The following ACYP2 variants were observed in gnomAD, a reference collection of about 807,000 sequenced individuals.
ACYP2 encodes acylphosphatase 2.
ACYP2 carries 12 observed loss-of-function variants against 11.2 expected under a neutral mutation model. The ratio of observed to expected loss-of-function variants is 1.08; its 90% CI spans 0.69 to 1.74. The LOEUF (loss-of-function observed/expected upper bound fraction) is 1.74, where lower values mean the gene tolerates loss of function less well. ACYP2 is among the 40% of genes most tolerant of loss of function. The pLI, the probability that ACYP2 is intolerant of heterozygous loss-of-function variation, is 0.00. For missense variants in ACYP2, 134 were observed against 101.9 expected (o/e 1.31, Z -1.35); for synonymous variants, 43 against 32.2 (o/e 1.33, Z -1.13).
At chr2:54,064,326 C>T (rs1191649746) in intron 4 of ACYP2, among the ~76,000 whole-genome samples, 1 of 152,194 alleles carries the variant, frequency 6.6e-6, no homozygotes, top group Admixed American at 6.5e-5. Context: ...CAGCCAGTAT[C>T]TGGGTCGGGA....
chr2:54,138,827 C>G, intron 6 of ACYP2, 79 bp downstream of exon 3: 2 of 1,201,418 alleles, frequency 1.7e-6, no homozygotes, highest in African/African-American at 1.5e-5. Context: ...TGGTCTTGCT[C>G]TGTTGCCCAG....
chr2:54,118,346 G>A (rs1437630466), intron 4 of ACYP2, among the ~76,000 whole-genome samples: 1 of 152,220 alleles, frequency 6.6e-6, no homozygotes, highest in Non-Finnish European at 1.5e-5. Context: ...TGGCAGTAGT[G>A]AAGGAGTCTG....
chr2:54,254,470 T>G, intron 6 of ACYP2: 1 of 157,456 alleles, frequency 6.4e-6, no homozygotes, highest in Non-Finnish European at 1.4e-5. Context: ...CCCCTGCTGT[T>G]CTCCCTTGAC....
At chr2:54,044,210 A>G (rs1459313219) in intron 2 of ACYP2, among the ~76,000 whole-genome samples, 1 of 152,178 alleles carries the variant, frequency 6.6e-6, no homozygotes, top group South Asian at 2.1e-4. Context: ...TGTTCTCAGG[A>G]TATGTGTTGA....
chr2:54,161,634 T>G (rs1260680301), intron 6 of ACYP2, among the ~76,000 whole-genome samples: 2 of 152,214 alleles, frequency 1.3e-5, no homozygotes, highest in African/African-American at 2.4e-5. Context: ...AGATAATCAT[T>G]CACGGTGACA....
intron 4 of ACYP2, among the ~76,000 whole-genome samples, chr2:54,094,542 G>GTGTGTGTGTGTT (rs1350991582): frequency 3.9e-4 from 58 of 149,234 alleles, no homozygotes; most frequent in African/African-American, 1.4e-3. Context: ...TTGTGTGTGT[G>GTGTGTGTGTGTT]TGTGTGTGTG....
intron 6 of ACYP2, among the ~76,000 whole-genome samples, chr2:54,206,298 TGCATTAGAG>T (rs1263006223): frequency 6.6e-6 from 1 of 152,248 alleles, no homozygotes. Flanking sequence ...AATGACATTG[TGCATTAGAG>T]GCAGATACCA....
intron 2 of ACYP2, among the ~76,000 whole-genome samples, chr2:54,008,897 A>T (rs916217081): frequency 6.6e-6 from 1 of 152,186 alleles, no homozygotes; most frequent in African/African-American, 2.4e-5. Flanking sequence ...TCATGCCTGT[A>T]ATCCCAGCAC....
At chr2:54,277,012 A>T (rs1688626449) in intron 6 of ACYP2, among the ~76,000 whole-genome samples, 1 of 152,244 alleles carries the variant, frequency 6.6e-6, no homozygotes, top group African/African-American at 2.4e-5. Flanking sequence ...TTATGGAAAT[A>T]ACATATAAAA....
chr2:54,071,012 A>G (rs1435667469), intron 4 of ACYP2, among the ~76,000 whole-genome samples: 1 of 152,104 alleles, frequency 6.6e-6, no homozygotes, highest in African/African-American at 2.4e-5. Context: ...TTGGCCTCCC[A>G]AAGTGCTGGG....
At chr2:53,972,216 A>C (rs1375129889) in intron 1 of ACYP2, among the ~76,000 whole-genome samples, 3 of 150,546 alleles carry the variant, frequency 2.0e-5, no homozygotes, top group Admixed American at 2.0e-4. Flanking sequence ...AGGCTGAGGC[A>C]GGAGAATCGC....
At chr2:54,258,545 C>T (rs11890390) in intron 6 of ACYP2, among the ~76,000 whole-genome samples, 22,491 of 152,006 alleles carry the variant, frequency 0.15, 1,671 homozygotes, top group East Asian at 0.18. Context: ...GGATTTTGAG[C>T]AGAGGACACA....
chr2:54,027,837 C>CTTTTTTTTTTTTTTTTTT (rs34122179), intron 2 of ACYP2, among the ~76,000 whole-genome samples: 1 of 97,890 alleles, frequency 1.0e-5, no homozygotes, highest in Non-Finnish European at 1.9e-5. Flanking sequence ...TTCTTTCTTT[C>CTTTTTTTTTTTTTTTTTT]TTTTTTTTTT....
intron 6 of ACYP2, among the ~76,000 whole-genome samples, chr2:54,158,324 G>A (rs1383909164): frequency 7.9e-5 from 12 of 151,444 alleles, no homozygotes; most frequent in Admixed American, 7.2e-4. Context: ...TTAAAGGCAT[G>A]AGCCACCGTG....
intron 1 of ACYP2, chr2:53,973,613 AC>A: frequency 1.0e-5 from 2 of 197,850 alleles, no homozygotes; most frequent in Non-Finnish European, 2.0e-5. Flanking sequence ...TGTGAGATCC[AC>A]CCCCTGCCCC....
intron 6 of ACYP2, among the ~76,000 whole-genome samples, chr2:54,287,209 G>A (rs1689112992): frequency 6.6e-6 from 1 of 151,878 alleles, no homozygotes; most frequent in Non-Finnish European, 1.5e-5. Context: ...GTGGCACCTT[G>A]AACACCATTT....
At chr2:54,261,048 T>C (rs776031474) in intron 6 of ACYP2, among the ~76,000 whole-genome samples, 5 of 152,188 alleles carry the variant, frequency 3.3e-5, no homozygotes, top group African/African-American at 4.8e-5. Context: ...CAGACACCTT[T>C]AGAATTTTAT....
chr2:54,146,476 T>C (rs1681897210), intron 6 of ACYP2, among the ~76,000 whole-genome samples: 1 of 151,776 alleles, frequency 6.6e-6, no homozygotes, highest in African/African-American at 2.4e-5. Context: ...GATTTTACCC[T>C]GTTGGCCAGT....
intron 6 of ACYP2, among the ~76,000 whole-genome samples, chr2:54,248,012 A>G (rs1687039465): frequency 6.6e-6 from 1 of 152,242 alleles, no homozygotes. Context: ...GATGATAACT[A>G]TTACCATAGC....
Sources: allele counts gnomAD v4.1 joint callset (sites outside exome capture counted in the v4.1 genomes callset), GRCh38; gene constraint gnomAD v4.1.1; transcripts MANE v1.5; gene names NCBI Gene and HGNC (gene_info 2026-07-23, HGNC 2026-07-21).